CWC27: variants seen among roughly 807,000 people sequenced by gnomAD.
CWC27 encodes the protein CWC27 spliceosome associated cyclophilin, also known as spliceosome-associated protein CWC27 homolog.
A neutral mutation model predicts 63.6 loss-of-function variants in CWC27; 47 were observed. That is an observed-to-expected ratio of 0.74 (90% CI 0.58 to 0.94). The LOEUF (loss-of-function observed/expected upper bound fraction) is 0.94. CWC27 is among the 40% of genes least tolerant of loss of function. The pLI, the probability that CWC27 is intolerant of heterozygous loss-of-function variation, is 0.00. For missense variants in CWC27, 495 were observed against 554.3 expected (o/e 0.89, Z 1.07); for synonymous variants, 175 against 179.8 (o/e 0.97, Z 0.22).
intron 11 of CWC27, among the ~76,000 whole-genome samples, chr5:64,947,902 TG>T (rs1748620483): frequency 6.6e-6 from 1 of 152,074 alleles, no homozygotes; most frequent in Admixed American, 6.6e-5. Context: ...CTGTGTTATG[TG>T]ATCAGTTTAG....
At chr5:64,857,583 A>G (rs1746285806) in intron 10 of CWC27, among the ~76,000 whole-genome samples, 1 of 152,202 alleles carries the variant, frequency 6.6e-6, no homozygotes. Context: ...ACAAGAGGCC[A>G]GGAAAAAGCA....
intron 11 of CWC27, among the ~76,000 whole-genome samples, chr5:64,970,463 C>T (rs542284268): frequency 2.0e-5 from 3 of 152,082 alleles, no homozygotes; most frequent in Non-Finnish European, 2.9e-5. Context: ...CCGCCCACCT[C>T]GGCCTCCGAA....
intron 10 of CWC27, among the ~76,000 whole-genome samples, chr5:64,848,178 C>T (rs1202979051): frequency 6.6e-6 from 1 of 152,032 alleles, no homozygotes; most frequent in Non-Finnish European, 1.5e-5. Flanking sequence ...AAAGAGAAGA[C>T]AGTAGAACTG....
At chr5:64,888,351 A>G (rs1464971526) in intron 11 of CWC27, among the ~76,000 whole-genome samples, 10 of 147,072 alleles carry the variant, frequency 6.8e-5, no homozygotes, top group Admixed American at 6.1e-4. Flanking sequence ...TATAATAAAT[A>G]ATATAAAGTA....
At chr5:64,958,461 A>G (rs967143928) in intron 11 of CWC27, among the ~76,000 whole-genome samples, 1 of 152,168 alleles carries the variant, frequency 6.6e-6, no homozygotes, top group Non-Finnish European at 1.5e-5. Context: ...CTCAAATTTT[A>G]TGTTGTGATT....
rs35721397 is a variant in CWC27, at chr5:64,978,605, G to GT, written c.1256+1383dup. 2.3e-3 allele frequency among the ~76,000 whole-genome samples: 301 copies of GT among 130,300 alleles called. 3 individuals are homozygous for GT. In the East Asian group the frequency reaches 0.027, roughly 12 times the overall value. 85.5% of individuals were successfully genotyped at this position (130,300 alleles called of 152,430 possible). A position where few individuals can be genotyped will look rare whatever the true frequency, so the allele number is the denominator to read the frequency against. On this transcript the variant is annotated intron_variant, in intron 13 of 13. Transcript: ENST00000381070. ...GTTTAGTTTTGTTTTGGGTTTTTGG[G>GT]TTTTTTTTTTTTTTTTGGCGGTGGG...
intron 10 of CWC27, among the ~76,000 whole-genome samples, chr5:64,816,277 G>A (rs1277596018): frequency 2.6e-5 from 4 of 152,124 alleles, no homozygotes; most frequent in African/African-American, 7.2e-5. Context: ...GGAAAGCCAC[G>A]AAGTATGCAG....
chr5:64,867,559 T>G (rs1746559801), intron 10 of CWC27, among the ~76,000 whole-genome samples: 1 of 152,042 alleles, frequency 6.6e-6, no homozygotes, highest in East Asian at 1.9e-4. Context: ...AGTCTAAGTT[T>G]GTAGAGTAAG....
At chr5:64,791,496 C>G (rs1012178400) in intron 7 of CWC27, among the ~76,000 whole-genome samples, 18 of 151,562 alleles carry the variant, frequency 1.2e-4, no homozygotes, top group African/African-American at 4.1e-4. Context: ...ACTTTAAATA[C>G]TTTTAGAAGG....
chr5:64,873,829 C>A (rs1281792871), intron 10 of CWC27, among the ~76,000 whole-genome samples: 1 of 151,970 alleles, frequency 6.6e-6, no homozygotes, highest in Non-Finnish European at 1.5e-5. Context: ...ATGTTTAAGT[C>A]TTTAATCCAT....
intron 10 of CWC27, among the ~76,000 whole-genome samples, chr5:64,859,071 G>C (rs1411922219): frequency 6.6e-6 from 1 of 152,210 alleles, no homozygotes; most frequent in East Asian, 1.9e-4. Context: ...TGGAGTACTA[G>C]TTAGTAATAA....
intron 10 of CWC27, among the ~76,000 whole-genome samples, chr5:64,807,319 T>C (rs1440761697): frequency 6.6e-6 from 1 of 152,252 alleles, no homozygotes; most frequent in Non-Finnish European, 1.5e-5. Context: ...AACCTACACA[T>C]GTATTTATTG....
chr5:64,779,586 T>C (rs1743588135), intron 2 of CWC27, among the ~76,000 whole-genome samples: 1 of 152,216 alleles, frequency 6.6e-6, no homozygotes, highest in African/African-American at 2.4e-5. Flanking sequence ...TCATTTAGTA[T>C]ATTCACTATA....
intron 10 of CWC27, among the ~76,000 whole-genome samples, chr5:64,882,376 G>A (rs977968066): frequency 2.0e-5 from 3 of 152,186 alleles, no homozygotes; most frequent in Non-Finnish European, 2.9e-5. Context: ...ATGTTGAGAT[G>A]TCCAGCCTGC....
chr5:64,841,328 G>T (rs138098387), intron 10 of CWC27, among the ~76,000 whole-genome samples: 3 of 152,282 alleles, frequency 2.0e-5, no homozygotes, highest in African/African-American at 7.2e-5. Flanking sequence ...CATGATAATG[G>T]CATTAATCTA....
intron 10 of CWC27, among the ~76,000 whole-genome samples, chr5:64,826,076 A>AATCTATCTGTCT (rs1554070972): frequency 0.21 from 30,959 of 148,404 alleles, 3,390 homozygotes; most frequent in East Asian, 0.33. Flanking sequence ...CTTTGTAATA[A>AATCTATCTGTCT]ATCTATCTAT....
chr5:64,817,293 G>T (rs2112239426), intron 10 of CWC27, among the ~76,000 whole-genome samples: 1 of 152,114 alleles, frequency 6.6e-6, no homozygotes, highest in Non-Finnish European at 1.5e-5. Context: ...GGCCTTTTCA[G>T]ACTATACTAT....
intron 1 of CWC27, among the ~76,000 whole-genome samples, chr5:64,772,624 CAAAAAAAAAAAAAAAAAAA>C (rs58675990): frequency 1.9e-5 from 1 of 52,144 alleles, no homozygotes; most frequent in Non-Finnish European, 3.8e-5. Flanking sequence ...GACTCTGTCT[CAAAAAAAAAAAAAAAAAAA>C]AAAAAAAAAA....
intron 11 of CWC27, among the ~76,000 whole-genome samples, chr5:64,952,360 T>C (rs925399047): frequency 6.6e-6 from 1 of 152,032 alleles, no homozygotes; most frequent in Non-Finnish European, 1.5e-5. Flanking sequence ...AAAATATAAA[T>C]AGCATTCTGA....
Sources: gnomAD v4.1 joint callset for allele counts (sites outside exome capture counted in the v4.1 genomes callset) on GRCh38, gnomAD v4.1.1 for gene constraint, MANE v1.5 for transcripts, NCBI Gene and HGNC (gene_info 2026-07-23, HGNC 2026-07-21) for gene names.